PRKACB: variants seen among roughly 807,000 people sequenced by gnomAD.
The protein encoded by PRKACB is cAMP-dependent protein kinase catalytic subunit beta.
In PRKACB, 16 loss-of-function variants were observed where a neutral mutation model predicts 51.4. The observed-to-expected ratio is 0.31, with a 90% CI of 0.21 to 0.47. The LOEUF is 0.47. Ranked by LOEUF, PRKACB falls within the 20% of genes least tolerant of loss-of-function variation. The pLI, the probability that PRKACB is intolerant of heterozygous loss-of-function variation, is 1.00. For synonymous variants in PRKACB, 147 were observed against 154.4 expected, an observed-to-expected ratio of 0.95 and a Z score of 0.35; for missense variants, 309 against 464.5, an observed-to-expected ratio of 0.67 and a Z score of 3.08.
chr1:84,181,239 A>C (rs930293768), intron 2 of PRKACB, among the ~76,000 whole-genome samples: 2 of 152,036 alleles, frequency 1.3e-5, no homozygotes, highest in Non-Finnish European at 2.9e-5. Flanking sequence ...CTCACTGGAC[A>C]AAGAATCATA....
At chr1:84,197,518 T>A (rs1668547675) in intron 6 of PRKACB, among the ~76,000 whole-genome samples, 1 of 152,108 alleles carries the variant, frequency 6.6e-6, no homozygotes, top group African/African-American at 2.4e-5. Flanking sequence ...AATTTGTTCC[T>A]TTTCTTTGAG....
At chr1:84,119,055 A>C (rs1345057617) in intron 1 of PRKACB, among the ~76,000 whole-genome samples, 1 of 152,120 alleles carries the variant, frequency 6.6e-6, no homozygotes, top group Non-Finnish European at 1.5e-5. Flanking sequence ...AGTATCCAGG[A>C]CCTCAAATGA....
chr1:84,108,841 G>A (rs537641820), intron 1 of PRKACB, among the ~76,000 whole-genome samples: 2 of 151,914 alleles, frequency 1.3e-5, no homozygotes, highest in Non-Finnish European at 2.9e-5. Flanking sequence ...ATAATCTTCT[G>A]TAAGGAATTT....
At chr1:84,190,709 T>C (rs1426088020) in intron 5 of PRKACB, among the ~76,000 whole-genome samples, 1 of 152,114 alleles carries the variant, frequency 6.6e-6, no homozygotes, top group African/African-American at 2.4e-5. Context: ...GTTGACAATT[T>C]TGAAGACATT....
chr1:84,234,478 C>A (rs1282370192), intron 9 of PRKACB, among the ~76,000 whole-genome samples: 1 of 152,268 alleles, frequency 6.6e-6, no homozygotes, highest in African/African-American at 2.4e-5. Context: ...TTTACCTAAG[C>A]AAGCCTGGGC....
intron 1 of PRKACB, among the ~76,000 whole-genome samples, chr1:84,161,779 A>G (rs143612755): frequency 5.9e-5 from 9 of 152,048 alleles, no homozygotes; most frequent in Non-Finnish European, 1.2e-4. Flanking sequence ...ATATATTTAT[A>G]TATTTTATAA....
At chr1:84,199,139 A>ACG (rs1669314025) in intron 7 of PRKACB, among the ~76,000 whole-genome samples, 1 of 149,056 alleles carries the variant, frequency 6.7e-6, no homozygotes, top group Non-Finnish European at 1.5e-5. Context: ...ATATACACAC[A>ACG]CATTTTAGCT....
At chr1:84,190,758 A>C (rs1014659470) in intron 5 of PRKACB, among the ~76,000 whole-genome samples, 3 of 152,034 alleles carry the variant, frequency 2.0e-5, no homozygotes, top group Non-Finnish European at 4.4e-5. Context: ...AGTATAGTTA[A>C]GTCTTGTTGA....
At chr1:84,132,131 G>T (rs1652285841) in intron 1 of PRKACB, among the ~76,000 whole-genome samples, 1 of 152,126 alleles carries the variant, frequency 6.6e-6, no homozygotes, top group African/African-American at 2.4e-5. Flanking sequence ...GCCCATGAAG[G>T]TCACAGCTCA....
chr1:84,187,539 G>A (rs1665512824), intron 5 of PRKACB, among the ~76,000 whole-genome samples: 1 of 152,056 alleles, frequency 6.6e-6, no homozygotes, highest in South Asian at 2.1e-4. Flanking sequence ...CATACATCAG[G>A]CATGAGACTT....
chr1:84,122,863 T>C (rs1571669792), intron 1 of PRKACB, among the ~76,000 whole-genome samples: 2 of 152,226 alleles, frequency 1.3e-5, no homozygotes, highest in African/African-American at 4.8e-5. Context: ...ATATTTCTGG[T>C]ACATTACACT....
At chr1:84,190,884 A>T (rs1572249199) in intron 5 of PRKACB, among the ~76,000 whole-genome samples, 1 of 152,104 alleles carries the variant, frequency 6.6e-6, no homozygotes, top group East Asian at 1.9e-4. Context: ...TTTCCATGGT[A>T]GTTCTTTCTC....
rs41301170 is a variant in PRKACB, at chr1:84,213,078, G to A, written c.907-1075G>A. ...AAGAATGCAGAGAGTTTGGGGATGC[G>A]CCTCTTAACCCTTTAAAGTGTTTTC... On this transcript the variant is annotated intron_variant, in intron 8 of 9. Transcript: ENST00000370685. 2.6e-3 allele frequency among the ~76,000 whole-genome samples: 403 copies of A among 152,240 alleles called. 4 individuals carry two copies. The highest frequency in any genetic ancestry group is 9.2e-3 in the African/African-American group (384 of 41,554).
intron 1 of PRKACB, among the ~76,000 whole-genome samples, chr1:84,088,098 C>T (rs905367890): frequency 6.6e-6 from 1 of 152,134 alleles, no homozygotes; most frequent in African/African-American, 2.4e-5. Context: ...ATTCGGGATT[C>T]TTATAAGTTA....
chr1:84,097,403 G>T (rs756647426), intron 1 of PRKACB, among the ~76,000 whole-genome samples: 6 of 151,954 alleles, frequency 3.9e-5, no homozygotes, highest in Non-Finnish European at 7.4e-5. Context: ...AGTTTCCATT[G>T]CCCCACATCT....
intron 1 of PRKACB, among the ~76,000 whole-genome samples, chr1:84,118,684 A>C (rs1054302965): frequency 1.3e-5 from 2 of 152,086 alleles, no homozygotes; most frequent in African/African-American, 4.8e-5. Flanking sequence ...CTCCCCACCA[A>C]GGACACTGAC....
At chr1:84,209,178 G>A (rs1048129016) in intron 8 of PRKACB, among the ~76,000 whole-genome samples, 1 of 151,958 alleles carries the variant, frequency 6.6e-6, no homozygotes, top group Non-Finnish European at 1.5e-5. Context: ...TTCTTTCTAT[G>A]CACTTCCTCA....
intron 1 of PRKACB, among the ~76,000 whole-genome samples, chr1:84,085,180 T>G (rs559759700): frequency 6.6e-6 from 1 of 152,318 alleles, no homozygotes; most frequent in East Asian, 1.9e-4. Context: ...TCTAAGCTAT[T>G]CGGTTTTGTA....
intron 1 of PRKACB, among the ~76,000 whole-genome samples, chr1:84,163,329 G>A (rs1377039410): frequency 1.3e-5 from 2 of 152,010 alleles, no homozygotes; most frequent in African/African-American, 4.8e-5. Context: ...CGTAGCCTCT[G>A]TCTGTCTCAT....
Sources: allele counts gnomAD v4.1 joint callset (sites outside exome capture counted in the v4.1 genomes callset), GRCh38; gene constraint gnomAD v4.1.1; transcripts MANE v1.5; gene names NCBI Gene and HGNC (gene_info 2026-07-23, HGNC 2026-07-21).